The following ST7 variants were observed in gnomAD, a reference collection of about 807,000 sequenced individuals.
ST7 encodes the protein suppressor of tumorigenicity 7 protein.
A neutral mutation model predicts 78.7 loss-of-function variants in ST7; 28 were observed. That is an observed-to-expected ratio of 0.36 (90% CI 0.26 to 0.49). The LOEUF (loss-of-function observed/expected upper bound fraction) is 0.49, where lower values mean the gene tolerates loss of function less well. Among genes scored for constraint, ST7 ranks in the 20% least tolerant of loss-of-function variants. The pLI, the probability that ST7 is intolerant of heterozygous loss-of-function variation, is 0.99. For missense variants in ST7, 418 were observed against 696.0 expected, an observed-to-expected ratio of 0.60 and a Z score of 4.49; for synonymous variants, 247 against 249.6, an observed-to-expected ratio of 0.99 and a Z score of 0.10.
intron 1 of ST7, among the ~76,000 whole-genome samples, chr7:117,039,755 T>G (rs1797108623): frequency 6.6e-6 from 1 of 152,190 alleles, no homozygotes. Context: ...CTCTCTACAC[T>G]GCACTTCAGT....
chr7:117,179,436 G>T (rs1232925986), intron 10 of ST7, among the ~76,000 whole-genome samples: 1 of 152,190 alleles, frequency 6.6e-6, no homozygotes, highest in Non-Finnish European at 1.5e-5. Context: ...ACAGGCAATT[G>T]CTGTTAAGTA....
At chr7:117,142,242 A>G (rs140685130) in intron 9 of ST7, among the ~76,000 whole-genome samples, 1 of 152,240 alleles carries the variant, frequency 6.6e-6, no homozygotes, top group African/African-American at 2.4e-5. Flanking sequence ...TTAGCCATAC[A>G]CTGTCAGAAC....
intron 12 of ST7, chr7:117,198,242 T>G: frequency 4.7e-6 from 2 of 429,524 alleles, no homozygotes; most frequent in Non-Finnish European, 9.3e-6. Flanking sequence ...GTGTAATTCA[T>G]TCAGTACCTG....
chr7:116,988,391 A>T (rs577074024), intron 1 of ST7, among the ~76,000 whole-genome samples: 1 of 152,154 alleles, frequency 6.6e-6, no homozygotes, highest in Non-Finnish European at 1.5e-5. Flanking sequence ...GCTTTCTTTC[A>T]TTAAACTGGT....
At chr7:117,036,685 C>CATATATCATATTCCCATGGTATG (rs1253470178) in intron 1 of ST7, among the ~76,000 whole-genome samples, 3 of 152,094 alleles carry the variant, frequency 2.0e-5, no homozygotes, top group African/African-American at 4.8e-5. Context: ...CTGGGGTAGC[C>CATATATCATATTCCCATGGTATG]ATATATCATA....
At chr7:117,004,343 T>C (rs7384538) in intron 1 of ST7, among the ~76,000 whole-genome samples, 149,778 of 152,320 alleles carry the variant, frequency 0.98, 73,701 homozygotes, top group East Asian at 1. Context: ...TCATCATGGG[T>C]AAGTCTCTGG....
At chr7:117,113,056 C>T (rs1013704017) in intron 2 of ST7, among the ~76,000 whole-genome samples, 8 of 152,126 alleles carry the variant, frequency 5.3e-5, no homozygotes, top group East Asian at 1.9e-4. Context: ...GAGCTAATGG[C>T]GGATAAAGGG....
chr7:116,972,987 C>A, intron 1 of ST7: 1 of 769,066 alleles, frequency 1.3e-6, no homozygotes, highest in South Asian at 1.5e-5. Flanking sequence ...CTCCCTCACC[C>A]ATTTGTTTAT....
At chr7:116,967,827 T>G (rs1300985836) in intron 1 of ST7, among the ~76,000 whole-genome samples, 1 of 152,260 alleles carries the variant, frequency 6.6e-6, no homozygotes, top group Non-Finnish European at 1.5e-5. Context: ...TACTTCTTGG[T>G]GTCTAACTCA....
intron 1 of ST7, among the ~76,000 whole-genome samples, chr7:117,061,754 G>A (rs3758628): frequency 0.05 from 7,545 of 152,190 alleles, 260 homozygotes; most frequent in East Asian, 0.14. Flanking sequence ...GAAATGTGTA[G>A]CCATTACTGT....
chr7:116,965,361 T>C (rs1793055424), intron 1 of ST7, among the ~76,000 whole-genome samples: 1 of 140,520 alleles, frequency 7.1e-6, no homozygotes, highest in Admixed American at 7.1e-5. Context: ...AAAAAAAAAA[T>C]TCTATGGACA....
At chr7:117,026,876 G>C (rs1202881247) in intron 1 of ST7, among the ~76,000 whole-genome samples, 1 of 152,214 alleles carries the variant, frequency 6.6e-6, no homozygotes, top group Non-Finnish European at 1.5e-5. Context: ...ACTGGAAGTT[G>C]TATGATGGGA....
At chr7:116,955,798 A>G (rs1427595206) in intron 1 of ST7, among the ~76,000 whole-genome samples, 4 of 152,200 alleles carry the variant, frequency 2.6e-5, no homozygotes, top group African/African-American at 4.8e-5. Context: ...TCTTCTAGCA[A>G]TTTAAATCTA....
intron 9 of ST7, among the ~76,000 whole-genome samples, chr7:117,148,214 C>A (rs184746283): frequency 6.6e-5 from 10 of 151,808 alleles, no homozygotes; most frequent in African/African-American, 2.2e-4. Context: ...TTGTTGGGTG[C>A]GTTTATGTTG....
chr7:117,220,458 G>T (rs1014933050), intron 14 of ST7, among the ~76,000 whole-genome samples: 2 of 152,162 alleles, frequency 1.3e-5, no homozygotes, highest in Non-Finnish European at 2.9e-5. Flanking sequence ...TTAAGTTTCG[G>T]TTTTCTGGTA....
At chr7:117,135,142 G>A (rs1310749184) in intron 7 of ST7, among the ~76,000 whole-genome samples, 1 of 152,046 alleles carries the variant, frequency 6.6e-6, no homozygotes, top group Non-Finnish European at 1.5e-5. Context: ...TGCGTGGTCT[G>A]TTACAGCCTC....
chr7:117,207,142 T>A (rs1325805464), intron 12 of ST7, among the ~76,000 whole-genome samples: 2 of 124,686 alleles, frequency 1.6e-5, no homozygotes, highest in Admixed American at 9.8e-5. Flanking sequence ...CCTGCTAGTT[T>A]CTTTTCATTT....
intron 1 of ST7, among the ~76,000 whole-genome samples, chr7:117,077,316 T>G (rs546061286): frequency 3.3e-5 from 5 of 152,278 alleles, no homozygotes; most frequent in African/African-American, 4.8e-5. Flanking sequence ...GGGCCGTGGT[T>G]TCAGGTTTTT....
chr7:117,099,996 A>C (rs1202702857), intron 2 of ST7, 152 bp downstream of exon 2: 1 of 481,496 alleles, frequency 2.1e-6, no homozygotes, highest in African/African-American at 2.0e-5. Flanking sequence ...GACTCATAGA[A>C]GCCTTTTACT....
Sources: gnomAD v4.1 joint callset for allele counts (sites outside exome capture counted in the v4.1 genomes callset) on GRCh38, gnomAD v4.1.1 for gene constraint, MANE v1.5 for transcripts, NCBI Gene and HGNC (gene_info 2026-07-23, HGNC 2026-07-21) for gene names.